Variants in SHC3 observed in about 807,000 individuals in gnomAD.
SHC3 encodes SHC adaptor protein 3, also known as SHC-transforming protein 3.
SHC3 carries 15 observed loss-of-function variants against 60.4 expected under a neutral mutation model. The ratio of observed to expected loss-of-function variants is 0.25; its 90% CI spans 0.17 to 0.38. SHC3 has a LOEUF of 0.38. Ranked by LOEUF, SHC3 falls within the 10% of genes least tolerant of loss-of-function variation. The probability of loss-of-function intolerance (pLI) is 1.00; values close to 1 mark genes in which losing one functional copy is unlikely to be tolerated. For synonymous variants in SHC3, 294 were observed against 325.9 expected, an observed-to-expected ratio of 0.90 and a Z score of 1.05; for missense variants, 677 against 786.1, an observed-to-expected ratio of 0.86 and a Z score of 1.66.
intron 2 of SHC3, among the ~76,000 whole-genome samples, chr9:89,106,081 G>A (rs527463873): frequency 1.3e-5 from 2 of 152,290 alleles, no homozygotes; most frequent in East Asian, 3.9e-4. Flanking sequence ...CGAAGCAGGG[G>A]TGTCATGCAT....
chr9:89,033,135 C>T (rs1460032986), intron 11 of SHC3, among the ~76,000 whole-genome samples: 1 of 151,922 alleles, frequency 6.6e-6, no homozygotes, highest in Non-Finnish European at 1.5e-5. Context: ...GGCATTGGCT[C>T]GCTTGGATAC....
rs755269697 is a variant in SHC3 at position 89,051,987 on chromosome 9, G to T, written c.962+50C>A. On this transcript the variant is annotated intron_variant, in intron 7 of 11. Coordinates refer to ENST00000375835, the MANE Select transcript of SHC3 (RefSeq NM_016848.6). Reference sequence around the variant, plus strand: ...CAGGGATGTGGTTTTAAGAGGAAAGGTCATAAAACCCACATAGGCTATTGC... The same window carrying T: ...CAGGGATGTGGTTTTAAGAGGAAAGTTCATAAAACCCACATAGGCTATTGC... The T allele has an allele frequency of 5.0e-6, 8 of 1,603,830 alleles. No homozygotes were observed. The Admixed American group carries it at 8.4e-5, about 17-fold the overall frequency.
intron 4 of SHC3, 65 bp downstream of exon 4, chr9:89,075,044 A>G: frequency 6.4e-7 from 1 of 1,570,880 alleles, no homozygotes; most frequent in Non-Finnish European, 8.6e-7. Context: ...TGCAAGGAAG[A>G]AGCCTGCGAA....
chr9:89,090,376 A>G (rs1233826145), intron 2 of SHC3, among the ~76,000 whole-genome samples: 1 of 152,206 alleles, frequency 6.6e-6, no homozygotes, highest in African/African-American at 2.4e-5. Context: ...GAAAGGCAAG[A>G]CCATGGCCTC....
chr9:89,091,906 T>C (rs540390777), intron 2 of SHC3, among the ~76,000 whole-genome samples: 1 of 151,992 alleles, frequency 6.6e-6, no homozygotes, highest in East Asian at 1.9e-4. Context: ...CTCCCACAAA[T>C]TGATAAGAAA....
intron 11 of SHC3, among the ~76,000 whole-genome samples, chr9:89,028,855 T>TG (rs969621155): frequency 6.8e-6 from 1 of 147,532 alleles, no homozygotes; most frequent in African/African-American, 2.5e-5. Flanking sequence ...TGTAAATATA[T>TG]CTATATATAG....
At chr9:89,111,226 G>C (rs1164641500) in intron 2 of SHC3, among the ~76,000 whole-genome samples, 4 of 152,138 alleles carry the variant, frequency 2.6e-5, no homozygotes, top group Admixed American at 6.5e-5. Flanking sequence ...AACCCAGTAG[G>C]AATGGTTGAC....
At chr9:89,134,870 A>G (rs1826297420) in intron 1 of SHC3, among the ~76,000 whole-genome samples, 1 of 152,130 alleles carries the variant, frequency 6.6e-6, no homozygotes, top group African/African-American at 2.4e-5. Flanking sequence ...TAGAAGACTG[A>G]AGTAATCTTT....
At chr9:89,106,378 G>A (rs763196219) in intron 2 of SHC3, among the ~76,000 whole-genome samples, 1 of 152,186 alleles carries the variant, frequency 6.6e-6, no homozygotes, top group Admixed American at 6.5e-5. Context: ...CAGCGCTGTC[G>A]CCTGGCAGGC....
Position 89,008,355 on chromosome 9 carries a change from A to G in SHC3, c.*5092T>C, listed in dbSNP as rs1433324498. On this transcript the variant is annotated 3_prime_UTR_variant, in exon 12 of 12. Transcript: ENST00000375835. ...GCATAATTATAAATTAGAGGGGGGA[A>G]AGCCATCAATAAGAGACAGGTAAGG... The G allele has an allele frequency of 2.0e-5, 3 of 152,216 alleles. No individual in the cohort carries two copies. The highest frequency in any genetic ancestry group is 2.9e-5 in the Non-Finnish European group (2 of 68,036). The allele number at this position is 152,216 out of a possible 1,614,324, so 9.4% of individuals were successfully genotyped here.
intron 2 of SHC3, among the ~76,000 whole-genome samples, chr9:89,107,507 GC>G (rs1161028833): frequency 6.6e-6 from 1 of 152,212 alleles, no homozygotes; most frequent in African/African-American, 2.4e-5. Context: ...TATTCCAAAG[GC>G]GGGATGCACA....
intron 1 of SHC3, among the ~76,000 whole-genome samples, chr9:89,120,738 G>A (rs1413489571): frequency 6.6e-6 from 1 of 152,024 alleles, no homozygotes; most frequent in East Asian, 1.9e-4. Context: ...TTCCCATATA[G>A]AGTTTAGAGT....
At chr9:89,167,337 T>C (rs1826803986) in intron 1 of SHC3, among the ~76,000 whole-genome samples, 3 of 152,172 alleles carry the variant, frequency 2.0e-5, no homozygotes, top group African/African-American at 7.2e-5. Flanking sequence ...ATCACCTTCT[T>C]ACAAATAACA....
At chr9:89,138,110 G>A (rs1826344349) in intron 1 of SHC3, among the ~76,000 whole-genome samples, 1 of 152,138 alleles carries the variant, frequency 6.6e-6, no homozygotes, top group Non-Finnish European at 1.5e-5. Context: ...AGAGACTTGG[G>A]GGACAAAGAA....
At chr9:89,148,535 C>T (rs955649119) in intron 1 of SHC3, among the ~76,000 whole-genome samples, 24 of 152,152 alleles carry the variant, frequency 1.6e-4, no homozygotes, top group Non-Finnish European at 2.2e-4. Context: ...TAGAGCAATA[C>T]GCTGAAAAGG....
chr9:89,032,477 A>G (rs1175496820), intron 11 of SHC3, among the ~76,000 whole-genome samples: 1 of 152,246 alleles, frequency 6.6e-6, no homozygotes, highest in African/African-American at 2.4e-5. Context: ...AAAGAGATGA[A>G]TCAATGATAA....
Position 89,011,471 on chromosome 9 carries a change from T to A in SHC3, c.*1976A>T, listed in dbSNP as rs1826012921. 6.6e-6 allele frequency: 1 copy of A among 152,240 alleles called. No individual in the cohort carries two copies. Among genetic ancestry groups the A allele is most frequent in the South Asian group, 2.1e-4 (1 of 4,832 alleles). The allele number at this position is 152,240 out of a possible 1,614,324, so 9.4% of individuals were successfully genotyped here. ...GAAGGTCATTTCGCACATTTTTCTA[T>A]GTGGTGCACATTCATGCACAGGTGG... On this transcript the variant is annotated 3_prime_UTR_variant, in exon 12 of 12. Transcript: ENST00000375835.
chr9:89,052,234 C>T (rs1270552521), intron 6 of SHC3, 71 bp from the exon 7 acceptor site: 1 of 1,585,900 alleles, frequency 6.3e-7, no homozygotes, highest in Admixed American at 1.7e-5. Context: ...TACAAAGAGC[C>T]CTTGCTGAGG....
At chr9:89,169,700 C>T (rs916955838) in intron 1 of SHC3, among the ~76,000 whole-genome samples, 9 of 144,932 alleles carry the variant, frequency 6.2e-5, no homozygotes, top group South Asian at 4.5e-4. Context: ...TAGTGCAAGG[C>T]GGGGGTGGGG....
Sources: gnomAD v4.1 joint callset for allele counts (sites outside exome capture counted in the v4.1 genomes callset) on GRCh38, gnomAD v4.1.1 for gene constraint, MANE v1.5 for transcripts, NCBI Gene and HGNC (gene_info 2026-07-23, HGNC 2026-07-21) for gene names.